Variants in RCBTB2 observed in about 807,000 individuals in gnomAD.
RCBTB2 encodes RCC1 and BTB domain containing protein 2, also known as RCC1 and BTB domain-containing protein 2.
RCBTB2 carries 55 observed loss-of-function variants against 65.4 expected under a neutral mutation model. That is an observed-to-expected ratio of 0.84 (90% CI 0.68 to 1.05). RCBTB2 has a LOEUF of 1.05. Ranked by LOEUF, RCBTB2 falls within the 50% of genes least tolerant of loss-of-function variation. The probability of loss-of-function intolerance (pLI) is 0.00; values close to 1 mark genes in which losing one functional copy is unlikely to be tolerated. For synonymous variants in RCBTB2, 220 were observed against 255.2 expected (o/e 0.86, Z 1.31); for missense variants, 599 against 680.1 (o/e 0.88, Z 1.33).
At chr13:48,523,040 ATTAC>A (rs1168425733) in intron 2 of RCBTB2, among the ~76,000 whole-genome samples, 1 of 152,210 alleles carries the variant, frequency 6.6e-6, no homozygotes, top group Non-Finnish European at 1.5e-5. Flanking sequence ...ATAGCAAAGT[ATTAC>A]TTTCTAACAT....
In RCBTB2 at chr13:48,499,780, T is replaced by A; in HGVS notation, c.1245-20A>T. The A allele has an allele frequency of 1.9e-6, 3 of 1,613,888 alleles. No individual in the cohort carries two copies. The highest frequency in any genetic ancestry group is 2.5e-6 in the Non-Finnish European group (3 of 1,179,814). On this transcript the variant is annotated intron_variant, in intron 12 of 14. Transcript: ENST00000344532. ...TCACATCTGAAGGAAAAAAGCAGTA[T>A]GTCAGGTCCTAGCTTCCCAGCCAGG... is the stretch of plus-strand genomic sequence containing the variant.
intron 10 of RCBTB2, among the ~76,000 whole-genome samples, chr13:48,506,823 G>A (rs1024169213): frequency 4.6e-5 from 7 of 152,158 alleles, no homozygotes; most frequent in African/African-American, 1.7e-4. Context: ...TGACCTACTA[G>A]GCAAAGACTT....
intron 4 of RCBTB2, among the ~76,000 whole-genome samples, chr13:48,516,338 G>GT (rs748622434): frequency 1.3e-5 from 2 of 152,196 alleles, no homozygotes; most frequent in African/African-American, 2.4e-5. Flanking sequence ...TAAGGCAGCC[G>GT]TAACAAAGTA....
rs1952121221 is a variant in RCBTB2 at position 48,531,540 on chromosome 13, A to T, written c.-219+1488T>A. Among the ~76,000 whole-genome samples the T allele has an allele frequency of 1.3e-5, 2 of 152,186 alleles. 1 individual carries two copies. Among genetic ancestry groups the T allele is most frequent in the South Asian group, 4.1e-4 (2 of 4,832 alleles). ...GCCATGCAGATTTGCGAAGAGTGGG[A>T]AAGTGAGCATTGAGCATACTGGAAA... On this transcript the variant is annotated intron_variant, in intron 1 of 14. Transcript: ENST00000344532.
intron 1 of RCBTB2, among the ~76,000 whole-genome samples, chr13:48,529,495 A>G (rs1951986313): frequency 6.6e-6 from 1 of 152,232 alleles, no homozygotes; most frequent in Non-Finnish European, 1.5e-5. Context: ...AGCTCAAAAC[A>G]TCTTCCATAG....
chr13:48,498,785 C>T (rs529855029), intron 13 of RCBTB2, among the ~76,000 whole-genome samples: 12 of 152,120 alleles, frequency 7.9e-5, no homozygotes, highest in Non-Finnish European at 1.5e-4. Flanking sequence ...ACTCCTTTGA[C>T]TTTCAAAGTC....
chr13:48,515,918 A>G (rs955289630), intron 4 of RCBTB2, among the ~76,000 whole-genome samples, 177 bp from the exon 5 acceptor site: 103 of 152,356 alleles, frequency 6.8e-4, no homozygotes, highest in African/African-American at 2.4e-3. Context: ...GGCGGCTCAC[A>G]GCCATCGAGC....
chr13:48,508,983 G>A (rs1166455333), intron 10 of RCBTB2, among the ~76,000 whole-genome samples: 2 of 152,186 alleles, frequency 1.3e-5, no homozygotes, highest in Non-Finnish European at 2.9e-5. Context: ...CAGATTCTGT[G>A]AGACCAGGGA....
upstream of RCBTB2, among the ~76,000 whole-genome samples, chr13:48,534,658 G>A (rs1435627980): frequency 2.6e-5 from 4 of 152,196 alleles, no homozygotes; most frequent in Admixed American, 1.3e-4. Flanking sequence ...ATAAAAGAAT[G>A]TGTTTCACTA....
Position 48,532,794 on chromosome 13 carries a change from T to C in RCBTB2, c.-219+234A>G, listed in dbSNP as rs184660202. 2,632 of 325,922 alleles carry C rather than the reference T, an allele frequency of 8.1e-3. 27 individuals carry two copies. The highest frequency in any genetic ancestry group is 0.044 in the East Asian group (368 of 8,448). The allele number at this position is 325,922 out of a possible 1,614,324, so 20.2% of individuals were successfully genotyped here. ...GCCTCTGCCTGCGGCCTGGGCTGGG[T>C]GTAGCCCCGGAACCTAGCTCTTAAC... On this transcript the variant is annotated intron_variant, in intron 1 of 14. Coordinates refer to ENST00000344532, the MANE Select transcript of RCBTB2 (RefSeq NM_001268.4).
At chr13:48,515,104 T>A (rs1186051426) in intron 6 of RCBTB2, 101 bp downstream of exon 6, 1 of 1,093,470 alleles carries the variant, frequency 9.1e-7, no homozygotes, top group Non-Finnish European at 1.3e-6. Context: ...CAAAACATAG[T>A]CAATTTCACA....
At chr13:48,528,419 A>G (rs1951924656) in intron 1 of RCBTB2, among the ~76,000 whole-genome samples, 1 of 152,218 alleles carries the variant, frequency 6.6e-6, no homozygotes. Flanking sequence ...TTCTCTCAAT[A>G]TAGAACTCTA....
chr13:48,512,924 T>G, intron 6 of RCBTB2, 29 bp from the exon 7 acceptor site: 1 of 1,580,000 alleles, frequency 6.3e-7, no homozygotes, highest in Non-Finnish European at 8.7e-7. Flanking sequence ...ACAATCAGTT[T>G]TTTACAACAT....
intron 12 of RCBTB2, 86 bp from the exon 13 acceptor site, chr13:48,499,846 T>C (rs1357565577): frequency 6.7e-7 from 1 of 1,497,340 alleles, no homozygotes; most frequent in African/African-American, 1.4e-5. Flanking sequence ...CTCTCGAAGG[T>C]GCACGCTGGC....
chr13:48,521,856 C>A, intron 4 of RCBTB2, 42 bp downstream of exon 4: 1 of 1,579,936 alleles, frequency 6.3e-7, no homozygotes. Flanking sequence ...ATGTTTCATG[C>A]AACAGAACAC....
rs371704336 is a variant in RCBTB2, at chr13:48,502,901, C to T, written c.940G>A (p.Ala314Thr). 3.1e-6 allele frequency: 5 copies of T among 1,611,760 alleles called. No homozygotes were observed. Among genetic ancestry groups the T allele is most frequent in the Middle Eastern group, 1.6e-4 (1 of 6,072 alleles). Residue 314 changes from alanine to threonine, a missense_variant, in exon 11 of 15, where the codon GCA becomes ACA. By Grantham distance (58) the Ala-to-Thr change is moderately conservative (BLOSUM62 0). Coordinates refer to ENST00000344532, the MANE Select transcript of RCBTB2 (RefSeq NM_001268.4). ...TVEKDRIIEIAACHSTHTSAA... is the reference protein window; with the variant it reads ...TVEKDRIIEITACHSTHTSAA... ...GACGTGTGTGTGGAGTGACAGGCTG[C>T]AATCTCGATAATCCTAAATTCACAA...
intron 4 of RCBTB2, among the ~76,000 whole-genome samples, chr13:48,517,540 G>A (rs1951159596): frequency 6.6e-6 from 1 of 152,156 alleles, no homozygotes; most frequent in Non-Finnish European, 1.5e-5. Flanking sequence ...GTATTAACTT[G>A]TATCCAAAGT....
chr13:48,522,483 A>G (rs1276735589), intron 2 of RCBTB2, 80 bp from the exon 3 acceptor site: 9 of 720,410 alleles, frequency 1.2e-5, no homozygotes, highest in Non-Finnish European at 1.9e-5. Flanking sequence ...TCTGGACTTA[A>G]TGAAAAATCT....
At chr13:48,525,151 G>A (rs1452131370) in intron 1 of RCBTB2, among the ~76,000 whole-genome samples, 1 of 151,540 alleles carries the variant, frequency 6.6e-6, no homozygotes, top group Non-Finnish European at 1.5e-5. Context: ...TGACCTCAGA[G>A]CAGTTAAAGA....
Sources: allele counts gnomAD v4.1 joint callset (sites outside exome capture counted in the v4.1 genomes callset), GRCh38; gene constraint gnomAD v4.1.1; transcripts MANE v1.5; gene names NCBI Gene and HGNC (gene_info 2026-07-23, HGNC 2026-07-21).